Variants in SLC27A6 observed in about 807,000 individuals in gnomAD.
The protein encoded by SLC27A6 is solute carrier family 27 member 6.
A neutral mutation model predicts 63.9 loss-of-function variants in SLC27A6; 74 were observed. The ratio of observed to expected loss-of-function variants is 1.16; its 90% CI spans 0.96 to 1.40. The LOEUF is 1.40. Ranked by LOEUF, SLC27A6 falls within the 40% of genes most tolerant of loss-of-function variation. The pLI, the probability that SLC27A6 is intolerant of heterozygous loss-of-function variation, is 0.00. For synonymous variants in SLC27A6, 287 were observed against 260.8 expected (o/e 1.10, Z -0.97); for missense variants, 794 against 732.9 (o/e 1.08, Z -0.96).
rs145525779 is a variant in SLC27A6 at position 128,966,223 on chromosome 5, A to G, written c.86A>G (p.Asp29Gly). ...AAACTCCTGTTCCCTTACTTTTGGG[A>G]TGACTTCTGGTTCGTGTTGAAGGTG... ...LQKLLFPYFW[D>G]DFWFVLKVVL... The change falls in exon 1 of 10, where the codon GAT becomes GGT. Residue 29 changes from aspartate (D) to glycine (G), a missense_variant. Physicochemically the swap from Asp to Gly is moderately conservative, Grantham distance 94 (BLOSUM62 -1). Coordinates refer to ENST00000262462, the MANE Select transcript of SLC27A6 (RefSeq NM_001017372.3). 3,610 of 1,611,254 alleles carry G rather than the reference A, an allele frequency of 2.2e-3. 4 individuals are homozygous for G. The highest frequency in any genetic ancestry group is 2.9e-3 in the Non-Finnish European group (3,368 of 1,178,756).
chr5:129,005,522 G>A (rs528982091), intron 4 of SLC27A6, among the ~76,000 whole-genome samples: 2 of 152,022 alleles, frequency 1.3e-5, no homozygotes, highest in South Asian at 4.2e-4. Context: ...AAGCTTTGTG[G>A]GTTATACTGT....
At chr5:128,979,004 T>C (rs368059955) in intron 1 of SLC27A6, among the ~76,000 whole-genome samples, 1 of 152,102 alleles carries the variant, frequency 6.6e-6, no homozygotes, top group South Asian at 2.1e-4. Context: ...AGGTGTGTAG[T>C]GGGCTATATC....
In SLC27A6 at chr5:129,016,045, T is replaced by C. The variant is rs763827118; in HGVS notation, c.1130T>C (p.Ile377Thr). ...TCTTTCATGAACTACACTGGGAGAA[T>C]TGGAGCAATTGGGAGAACAAATTTG... ...SISFMNYTGR[I>T]GAIGRTNLFY... Residue 377 changes from isoleucine (I) to threonine (T), a missense_variant, in exon 5 of 10, where the codon ATT becomes ACT. Coordinates refer to ENST00000262462, the MANE Select transcript of SLC27A6 (RefSeq NM_001017372.3). 9.4e-6 allele frequency: 15 copies of C among 1,590,846 alleles called. No homozygotes were observed. The South Asian group carries it at 1.6e-4, about 17-fold the overall frequency.
At chr5:128,986,197 C>T (rs1039960620) in intron 2 of SLC27A6, among the ~76,000 whole-genome samples, 7 of 152,006 alleles carry the variant, frequency 4.6e-5, no homozygotes, top group African/African-American at 1.7e-4. Flanking sequence ...ACCTGTAGTA[C>T]CAGCTACTCA....
At chr5:129,002,888 G>A (rs1751389475) in intron 4 of SLC27A6, among the ~76,000 whole-genome samples, 1 of 152,190 alleles carries the variant, frequency 6.6e-6, no homozygotes, top group Non-Finnish European at 1.5e-5. Flanking sequence ...TGACCTGGCA[G>A]CCCACATGGG....
chr5:129,006,299 C>T (rs1042838697), intron 4 of SLC27A6, among the ~76,000 whole-genome samples: 2 of 151,660 alleles, frequency 1.3e-5, no homozygotes, highest in Non-Finnish European at 2.9e-5. Flanking sequence ...ACCGTGTTAG[C>T]CAGGATGGTC....
intron 5 of SLC27A6, among the ~76,000 whole-genome samples, chr5:129,017,751 A>G (rs1294065181): frequency 2.0e-5 from 3 of 152,140 alleles, no homozygotes; most frequent in African/African-American, 4.8e-5. Context: ...AAATTATTAG[A>G]TGAATTGGAT....
intron 2 of SLC27A6, 89 bp downstream of exon 2, chr5:128,985,425 C>T (rs1299611268): frequency 2.9e-6 from 3 of 1,022,518 alleles, no homozygotes; most frequent in Non-Finnish European, 4.5e-6. Context: ...GTGTAGTGAC[C>T]AACCATCTGA....
chr5:128,983,744 C>T (rs1170824949), intron 1 of SLC27A6, among the ~76,000 whole-genome samples: 1 of 152,138 alleles, frequency 6.6e-6, no homozygotes, highest in African/African-American at 2.4e-5. Context: ...GTATGAGTTT[C>T]CTAAGGCTGC....
rs372308301 is a variant in SLC27A6 at position 129,025,653 on chromosome 5, T to TGTG, written c.1256-1479_1256-1477dup. Reference sequence around the variant, plus strand: ...GCAAAAAGTGCTCAATAGGTATAATTGTGATGATAATGATGGTGATGATGA... The same window carrying TGTG: ...GCAAAAAGTGCTCAATAGGTATAATTGTGGTGATGATAATGATGGTGATGATGA... On this transcript the variant is annotated intron_variant, in intron 6 of 9. Transcript: ENST00000262462. Among the ~76,000 whole-genome samples the TGTG allele has an allele frequency of 1.3e-4, 20 of 152,124 alleles. 1 individual carries two copies. Among genetic ancestry groups the TGTG allele is most frequent in the African/African-American group, 4.8e-4 (20 of 41,510 alleles).
chr5:129,024,578 A>G (rs2150154205), intron 6 of SLC27A6, among the ~76,000 whole-genome samples: 1 of 151,426 alleles, frequency 6.6e-6, no homozygotes, highest in Non-Finnish European at 1.5e-5. Context: ...TCTCCCTCTC[A>G]CTCCCCTCCC....
chr5:128,991,532 G>C (rs747079183), intron 4 of SLC27A6, among the ~76,000 whole-genome samples: 1 of 152,068 alleles, frequency 6.6e-6, no homozygotes, highest in Non-Finnish European at 1.5e-5. Context: ...AACATAACAC[G>C]CATCAGATTA....
At chr5:128,987,467 A>G (rs1199869475) in intron 2 of SLC27A6, among the ~76,000 whole-genome samples, 1 of 152,186 alleles carries the variant, frequency 6.6e-6, no homozygotes, top group Non-Finnish European at 1.5e-5. Context: ...CCTCCTGAAT[A>G]TATTCTAGAT....
chr5:129,006,180 G>GCCATTCT (rs1404825252), intron 4 of SLC27A6, among the ~76,000 whole-genome samples: 1 of 142,030 alleles, frequency 7.0e-6, no homozygotes, highest in African/African-American at 2.6e-5. Flanking sequence ...CTCCGTTCAC[G>GCCATTCT]CCATTCTCCC....
intron 6 of SLC27A6, among the ~76,000 whole-genome samples, chr5:129,026,345 C>G (rs1752244688): frequency 6.6e-6 from 1 of 152,012 alleles, no homozygotes; most frequent in South Asian, 2.1e-4. Context: ...TGAGAAAAAC[C>G]TTAATTAATT....
At chr5:128,979,876 A>T (rs1271354885) in intron 1 of SLC27A6, among the ~76,000 whole-genome samples, 2 of 152,202 alleles carry the variant, frequency 1.3e-5, no homozygotes, top group South Asian at 2.1e-4. Context: ...TGTTATTGCA[A>T]TAGAAAGACT....
At chr5:129,027,027 A>T in intron 6 of SLC27A6, 106 bp from the exon 7 acceptor site, 1 of 889,590 alleles carries the variant, frequency 1.1e-6, no homozygotes, top group South Asian at 1.6e-5. Flanking sequence ...GGAAGCTGAG[A>T]TAAGCAGCAT....
intron 1 of SLC27A6, among the ~76,000 whole-genome samples, chr5:128,972,792 A>G (rs1278942304): frequency 6.6e-6 from 1 of 152,204 alleles, no homozygotes; most frequent in African/African-American, 2.4e-5. Flanking sequence ...TTCATTCTCC[A>G]TCCAGTTTTG....
chr5:129,029,858 A>T (rs1752362103), intron 9 of SLC27A6, 151 bp downstream of exon 9: 1 of 639,994 alleles, frequency 1.6e-6, no homozygotes, highest in Non-Finnish European at 2.6e-6. Flanking sequence ...CCATGTTTGA[A>T]GCCTAATTAT....
Sources: gnomAD v4.1 joint callset for allele counts (sites outside exome capture counted in the v4.1 genomes callset) on GRCh38, gnomAD v4.1.1 for gene constraint, MANE v1.5 for transcripts, NCBI Gene and HGNC (gene_info 2026-07-23, HGNC 2026-07-21) for gene names.